The following CREB5 variants were observed in gnomAD, a reference collection of about 807,000 sequenced individuals.
CREB5 encodes cyclic AMP-responsive element-binding protein 5.
A neutral mutation model predicts 57.1 loss-of-function variants in CREB5; 19 were observed. The ratio of observed to expected loss-of-function variants is 0.33; its 90% CI spans 0.23 to 0.49. CREB5 has a LOEUF of 0.49. Among genes scored for constraint, CREB5 ranks in the 20% least tolerant of loss-of-function variants. The pLI is 0.99. For synonymous variants in CREB5, 238 were observed against 238.3 expected (o/e 1.00, Z 0.01); for missense variants, 579 against 671.6 (o/e 0.86, Z 1.52).
chr7:28,685,460 A>G (rs981368613), intron 5 of CREB5, among the ~76,000 whole-genome samples: 1 of 152,094 alleles, frequency 6.6e-6, no homozygotes, highest in African/African-American at 2.4e-5. Flanking sequence ...GTTGGCATTC[A>G]GCAACAGAAA....
intron 1 of CREB5, among the ~76,000 whole-genome samples, chr7:28,332,482 T>C (rs1785735167): frequency 6.6e-6 from 1 of 152,118 alleles, no homozygotes; most frequent in African/African-American, 2.4e-5. Context: ...TACGTTTGCG[T>C]GGTAGAAACA....
chr7:28,484,799 T>C (rs1207622349), intron 1 of CREB5, among the ~76,000 whole-genome samples: 1 of 152,212 alleles, frequency 6.6e-6, no homozygotes, highest in Non-Finnish European at 1.5e-5. Flanking sequence ...TTCTGAGGCA[T>C]GATTTCTTAT....
At chr7:28,660,238 C>T (rs6972472) in intron 5 of CREB5, among the ~76,000 whole-genome samples, 16,030 of 152,096 alleles carry the variant, frequency 0.11, 1,978 homozygotes, top group African/African-American at 0.3. Context: ...GTTAAAATAA[C>T]AGAATTCAGA....
intron 1 of CREB5, among the ~76,000 whole-genome samples, chr7:28,338,785 G>T (rs1277140250): frequency 1.3e-5 from 2 of 151,876 alleles, no homozygotes; most frequent in Non-Finnish European, 2.9e-5. Flanking sequence ...TTCTCGATCT[G>T]GTAGACATGC....
intron 1 of CREB5, among the ~76,000 whole-genome samples, chr7:28,321,471 A>G (rs1013630407): frequency 6.6e-6 from 1 of 152,144 alleles, no homozygotes; most frequent in African/African-American, 2.4e-5. Flanking sequence ...TTTGTTGGCT[A>G]TTTATTGACC....
intron 4 of CREB5, among the ~76,000 whole-genome samples, chr7:28,514,718 C>G (rs144503796): frequency 6.6e-6 from 1 of 152,186 alleles, no homozygotes. Flanking sequence ...TTTATATTTG[C>G]TATGACAGGA....
chr7:28,776,525 T>A (rs1475328719), intron 7 of CREB5, among the ~76,000 whole-genome samples: 1 of 152,198 alleles, frequency 6.6e-6, no homozygotes, highest in African/African-American at 2.4e-5. Flanking sequence ...AGAGTTTTTT[T>A]AAACTTTCTT....
At chr7:28,543,578 TAAAAA>T (rs34533813) in intron 4 of CREB5, among the ~76,000 whole-genome samples, 1 of 92,348 alleles carries the variant, frequency 1.1e-5, no homozygotes, top group Non-Finnish European at 2.2e-5. Context: ...TCATTTTAGG[TAAAAA>T]AAAAAAAAAA....
intron 1 of CREB5, among the ~76,000 whole-genome samples, chr7:28,360,357 A>G (rs1017221774): frequency 2.6e-5 from 4 of 152,220 alleles, no homozygotes; most frequent in East Asian, 3.8e-4. Context: ...AAAATAGGGT[A>G]TCTATCCACA....
intron 5 of CREB5, among the ~76,000 whole-genome samples, chr7:28,588,897 G>A (rs1158822493): frequency 6.6e-6 from 1 of 152,094 alleles, no homozygotes; most frequent in African/African-American, 2.4e-5. Flanking sequence ...GTTTTCCCTG[G>A]AAGGGACAAC....
chr7:28,745,715 G>A (rs1179420802), intron 7 of CREB5, among the ~76,000 whole-genome samples: 1 of 152,178 alleles, frequency 6.6e-6, no homozygotes, highest in African/African-American at 2.4e-5. Context: ...CTAGCAACAG[G>A]CCGGAGCTGT....
intron 1 of CREB5, among the ~76,000 whole-genome samples, chr7:28,463,153 C>A (rs1402769558): frequency 6.6e-6 from 1 of 151,632 alleles, no homozygotes; most frequent in African/African-American, 2.4e-5. Context: ...TTATGGGTAC[C>A]CAGTTGTCTC....
intron 5 of CREB5, among the ~76,000 whole-genome samples, chr7:28,673,388 C>T (rs34940178): frequency 1.2e-3 from 184 of 152,292 alleles, no homozygotes; most frequent in Non-Finnish European, 2.0e-3. Flanking sequence ...TCTTAGAACC[C>T]GCTGGGCAGC....
upstream of CREB5, among the ~76,000 whole-genome samples, chr7:28,408,571 A>G (rs1287376328): frequency 6.6e-6 from 1 of 152,116 alleles, no homozygotes; most frequent in African/African-American, 2.4e-5. Context: ...GTGACAGCCA[A>G]GGGCCCTTTC....
At chr7:28,689,285 G>A (rs1327111283) in intron 5 of CREB5, among the ~76,000 whole-genome samples, 2 of 152,012 alleles carry the variant, frequency 1.3e-5, no homozygotes, top group Non-Finnish European at 2.9e-5. Context: ...TGGCTAAAAT[G>A]GTGAAACCCC....
intron 1 of CREB5, among the ~76,000 whole-genome samples, chr7:28,485,224 C>T (rs1056928515): frequency 3.9e-5 from 6 of 152,128 alleles, no homozygotes; most frequent in African/African-American, 1.4e-4. Flanking sequence ...AGTAGCACTT[C>T]CAGTCTTGAT....
At chr7:28,475,267 T>C (rs1349589785) in intron 1 of CREB5, among the ~76,000 whole-genome samples, 5 of 117,504 alleles carry the variant, frequency 4.3e-5, no homozygotes, top group South Asian at 3.1e-4. Context: ...TTTTTTTTTT[T>C]TTTTTTTTTT....
rs73073912 is a variant in CREB5, at chr7:28,431,642, C to T, written c.3+18725C>T. On this transcript the variant is annotated intron_variant, in intron 1 of 10. Transcript: ENST00000357727. ...AAAATTAAAAATATGTTAATTTTAA[C>T]TTGCCGGTTCACAGATTGATGTATC... Among the ~76,000 whole-genome samples the T allele has an allele frequency of 9.9e-3, 1,510 of 152,316 alleles. 15 individuals are homozygous for T. Among genetic ancestry groups the T allele is most frequent in the Non-Finnish European group, 0.017 (1,130 of 68,028 alleles).
At chr7:28,490,182 G>A (rs1262778093) in intron 2 of CREB5, among the ~76,000 whole-genome samples, 2 of 152,210 alleles carry the variant, frequency 1.3e-5, no homozygotes, top group Non-Finnish European at 2.9e-5. Flanking sequence ...GTAATCACAA[G>A]ACATATGTGT....
Sources: gnomAD v4.1 joint callset for allele counts (sites outside exome capture counted in the v4.1 genomes callset) on GRCh38, gnomAD v4.1.1 for gene constraint, MANE v1.5 for transcripts, NCBI Gene and HGNC (gene_info 2026-07-23, HGNC 2026-07-21) for gene names.